RCL1: variants seen among roughly 807,000 people sequenced by gnomAD.
RCL1 encodes the protein RNA 3'-terminal phosphate cyclase-like protein.
In RCL1, 24 loss-of-function variants were observed where a neutral mutation model predicts 42.4. The ratio of observed to expected loss-of-function variants is 0.57; its 90% CI spans 0.41 to 0.80. The LOEUF is 0.80. Among genes scored for constraint, RCL1 ranks in the 30% least tolerant of loss-of-function variants. The probability of loss-of-function intolerance (pLI) is 0.00; values close to 1 mark genes in which losing one functional copy is unlikely to be tolerated. For missense variants in RCL1, 578 were observed against 467.9 expected (o/e 1.24, Z -2.17); for synonymous variants, 228 against 177.3 (o/e 1.29, Z -2.27).
intron 7 of RCL1, among the ~76,000 whole-genome samples, chr9:4,845,035 G>GA (rs1321175735): frequency 1.3e-5 from 2 of 152,204 alleles, no homozygotes; most frequent in African/African-American, 2.4e-5. Context: ...GGCACCCCCC[G>GA]ATTGCTGCCA....
intron 1 of RCL1, among the ~76,000 whole-genome samples, chr9:4,806,851 TG>T (rs2086703819): frequency 6.6e-6 from 1 of 152,204 alleles, no homozygotes; most frequent in Non-Finnish European, 1.5e-5. Context: ...TTTAAATGTT[TG>T]GCAGAATTTC....
At chr9:4,793,664 C>T (rs1182258879) in intron 1 of RCL1, among the ~76,000 whole-genome samples, 3 of 152,204 alleles carry the variant, frequency 2.0e-5, no homozygotes, top group African/African-American at 7.2e-5. Context: ...TCTGCCCTGT[C>T]TCAAAGCAGT....
chr9:4,837,040 A>G (rs1175512273), intron 5 of RCL1, among the ~76,000 whole-genome samples: 3 of 152,178 alleles, frequency 2.0e-5, no homozygotes, highest in African/African-American at 7.2e-5. Flanking sequence ...AGGTTGATGC[A>G]TAGTTACATT....
chr9:4,834,326 GAAT>G, intron 5 of RCL1, 61 bp downstream of exon 5: 3 of 1,546,236 alleles, frequency 1.9e-6, no homozygotes, highest in Non-Finnish European at 2.6e-6. Context: ...ACTAAGATAA[GAAT>G]GACTAACAGC....
chr9:4,857,126 A>T (rs1295697175), intron 8 of RCL1, among the ~76,000 whole-genome samples: 1 of 152,236 alleles, frequency 6.6e-6, no homozygotes, highest in Admixed American at 6.5e-5. Context: ...CAATTTACCC[A>T]TTTTAAGTAC....
At chr9:4,819,928 A>G (rs1293797307) in intron 1 of RCL1, among the ~76,000 whole-genome samples, 2 of 152,260 alleles carry the variant, frequency 1.3e-5, no homozygotes, top group African/African-American at 4.8e-5. Flanking sequence ...AAGATATAAA[A>G]GTAGTGCATA....
intron 5 of RCL1, among the ~76,000 whole-genome samples, chr9:4,834,952 T>C (rs1817072217): frequency 6.6e-6 from 1 of 152,210 alleles, no homozygotes; most frequent in Non-Finnish European, 1.5e-5. Context: ...GACTCTAAAG[T>C]ACAGGCATTT....
At chr9:4,820,428 G>A (rs995292036) in intron 1 of RCL1, among the ~76,000 whole-genome samples, 2 of 152,168 alleles carry the variant, frequency 1.3e-5, no homozygotes, top group Admixed American at 6.5e-5. Flanking sequence ...CTGAAGCACC[G>A]GTTTGCCGTG....
chr9:4,828,854 G>A (rs1384835265), intron 3 of RCL1, among the ~76,000 whole-genome samples: 2 of 152,206 alleles, frequency 1.3e-5, no homozygotes, highest in Non-Finnish European at 2.9e-5. Context: ...TGCTGTAGGA[G>A]TATCTGCTTT....
At chr9:4,833,856 A>C (rs978246420) in intron 4 of RCL1, among the ~76,000 whole-genome samples, 3 of 152,374 alleles carry the variant, frequency 2.0e-5, no homozygotes, top group African/African-American at 7.2e-5. Flanking sequence ...ATGATGGACT[A>C]GGTCAGCTCT....
At chr9:4,827,792 G>T (rs1816815648) in intron 3 of RCL1, among the ~76,000 whole-genome samples, 1 of 151,478 alleles carries the variant, frequency 6.6e-6, no homozygotes, top group Non-Finnish European at 1.5e-5. Context: ...GAGAGAGAGA[G>T]ATTAGAGAAG....
rs545696039 is a variant in RCL1 at position 4,813,968 on chromosome 9, C to T, written c.137-9580C>T. ...AAACCAAACACTGCATGTTCTCACT[C>T]ATAGGTGGGAATTGAACAATGAGAA... On this transcript the variant is annotated intron_variant, in intron 1 of 8. Coordinates refer to ENST00000381750, the MANE Select transcript of RCL1 (RefSeq NM_005772.5). Among the ~76,000 whole-genome samples the T allele has an allele frequency of 1.2e-4, 18 of 152,182 alleles. No homozygotes were observed. In the East Asian group the frequency reaches 3.5e-3, roughly 30 times the overall value.
intron 5 of RCL1, chr9:4,836,789 G>A (rs925938151): frequency 6.6e-6 from 1 of 152,434 alleles, no homozygotes; most frequent in African/African-American, 2.4e-5. Context: ...GCAGGGAGTA[G>A]GGTGGGCTGC....
At chr9:4,842,187 C>G (rs1003346870) in intron 6 of RCL1, among the ~76,000 whole-genome samples, 2 of 152,140 alleles carry the variant, frequency 1.3e-5, no homozygotes, top group African/African-American at 4.8e-5. Context: ...ACATCTGAGG[C>G]TTTGCAGGTT....
chr9:4,859,797 C>G (rs899997453), intron 8 of RCL1, among the ~76,000 whole-genome samples: 2 of 152,070 alleles, frequency 1.3e-5, no homozygotes, highest in African/African-American at 4.8e-5. Flanking sequence ...GACCCCATCT[C>G]TTATAAAAAA....
At chr9:4,799,577 G>C (rs369119) in intron 1 of RCL1, among the ~76,000 whole-genome samples, 42,829 of 152,062 alleles carry the variant, frequency 0.28, 7,134 homozygotes, top group Middle Eastern at 0.42. Context: ...CTTAACCCTT[G>C]TCAGTCTCTA....
intron 5 of RCL1, among the ~76,000 whole-genome samples, chr9:4,837,760 C>T (rs1322095301): frequency 6.6e-6 from 1 of 152,166 alleles, no homozygotes; most frequent in Non-Finnish European, 1.5e-5. Context: ...TCCCTGGCTT[C>T]TCCCTCTAAT....
chr9:4,805,806 G>T (rs1815929931), intron 1 of RCL1, among the ~76,000 whole-genome samples: 1 of 152,162 alleles, frequency 6.6e-6, no homozygotes, highest in South Asian at 2.1e-4. Flanking sequence ...GTTCCCCAGA[G>T]GCCAGCAGCT....
chr9:4,852,129 C>A (rs1439781945), intron 8 of RCL1, among the ~76,000 whole-genome samples: 1 of 152,328 alleles, frequency 6.6e-6, no homozygotes, highest in East Asian at 1.9e-4. Flanking sequence ...GGTCCACCCG[C>A]CTTGGCCTCC....
Sources: allele counts gnomAD v4.1 joint callset (sites outside exome capture counted in the v4.1 genomes callset), GRCh38; gene constraint gnomAD v4.1.1; transcripts MANE v1.5; gene names NCBI Gene and HGNC (gene_info 2026-07-23, HGNC 2026-07-21).